The following RIMS1 variants were observed in gnomAD, a reference collection of about 807,000 sequenced individuals.
RIMS1 encodes the protein regulating synaptic membrane exocytosis protein 1.
A neutral mutation model predicts 214.1 loss-of-function variants in RIMS1; 83 were observed. The ratio of observed to expected loss-of-function variants is 0.39; its 90% CI spans 0.32 to 0.47. RIMS1 has a LOEUF of 0.47. Among genes scored for constraint, RIMS1 ranks in the 20% least tolerant of loss-of-function variants. The probability of loss-of-function intolerance (pLI) is 0.99; values close to 1 mark genes in which losing one functional copy is unlikely to be tolerated. For missense variants in RIMS1, 2,050 were observed against 2,161.8 expected (o/e 0.95, Z 1.03); for synonymous variants, 793 against 786.8 (o/e 1.01, Z -0.13).
rs2045844805 is a variant in RIMS1 at position 72,163,817 on chromosome 6, C to T, written c.472-15758C>T. Among the ~76,000 whole-genome samples, 2 of 95,614 alleles carry T rather than the reference C, an allele frequency of 2.1e-5. 1 individual carries two copies. Among genetic ancestry groups the T allele is most frequent in the African/African-American group, 5.6e-5 (2 of 35,576 alleles). 62.7% of individuals were successfully genotyped at this position (95,614 alleles called of 152,430 possible). A position where few individuals can be genotyped will look rare whatever the true frequency, so the allele number is the denominator to read the frequency against. On this transcript the variant is annotated intron_variant, in intron 4 of 33. Coordinates refer to ENST00000521978, the MANE Select transcript of RIMS1 (RefSeq NM_014989.7). ...TACTGGCTGGGGGGGGGGGGCCTCC[C>T]AGTTAGGCTACTCGGTGGTCAGGGA...
chr6:71,986,191 T>C (rs76540306), intron 2 of RIMS1, among the ~76,000 whole-genome samples: 39 of 11,108 alleles, frequency 3.5e-3, no homozygotes, highest in Admixed American at 0.025. Context: ...TTGGGTTTTG[T>C]TTTTTTTTTT....
chr6:72,036,518 A>C (rs2152049906), intron 2 of RIMS1, among the ~76,000 whole-genome samples: 1 of 152,242 alleles, frequency 6.6e-6, no homozygotes, highest in East Asian at 1.9e-4. Flanking sequence ...ACTTATACCA[A>C]AGCCTACAAA....
At chr6:72,064,615 A>G (rs1828815230) in intron 2 of RIMS1, among the ~76,000 whole-genome samples, 1 of 152,242 alleles carries the variant, frequency 6.6e-6, no homozygotes, top group Non-Finnish European at 1.5e-5. Flanking sequence ...CGTCATCTCG[A>G]TCAAGCGATT....
At chr6:72,149,892 A>C (rs1040114436) in intron 4 of RIMS1, among the ~76,000 whole-genome samples, 4 of 152,160 alleles carry the variant, frequency 2.6e-5, no homozygotes, top group African/African-American at 9.6e-5. Context: ...TTCTGTGCTC[A>C]CCAGGGGATC....
At chr6:72,113,001 G>A (rs189629445) in intron 4 of RIMS1, among the ~76,000 whole-genome samples, 1 of 152,182 alleles carries the variant, frequency 6.6e-6, no homozygotes, top group Admixed American at 6.5e-5. Flanking sequence ...TTCTAAATTG[G>A]CACAATCCCT....
At chr6:72,247,458 C>G (rs9446608) in intron 11 of RIMS1, among the ~76,000 whole-genome samples, 2,850 of 150,412 alleles carry the variant, frequency 0.019, 117 homozygotes, top group African/African-American at 0.067. Flanking sequence ...TTGCTTGAAC[C>G]TGCGAGGTGG....
At chr6:71,936,117 G>A (rs1310669666) in intron 1 of RIMS1, among the ~76,000 whole-genome samples, 1 of 151,840 alleles carries the variant, frequency 6.6e-6, no homozygotes. Flanking sequence ...TTGGGAAGCC[G>A]AGGCGGGCGG....
At chr6:71,971,309 T>C (rs1361408533) in intron 2 of RIMS1, among the ~76,000 whole-genome samples, 1 of 152,092 alleles carries the variant, frequency 6.6e-6, no homozygotes, top group Non-Finnish European at 1.5e-5. Context: ...AGTAAATCAA[T>C]TAACAAACTA....
Position 72,260,756 on chromosome 6 carries a change from A to T in RIMS1, c.3105A>T (p.Leu1035=). The T allele has an allele frequency of 6.2e-7, 1 of 1,612,190 alleles. No homozygotes were observed. The highest frequency in any genetic ancestry group is 8.5e-7 in the Non-Finnish European group (1 of 1,178,790). ...RAKRGRSAEC[L]HTTRHLVRHY... ...AACGAGGACGAAGTGCAGAATGCCTACATACTACCAGGTAAATACAGGGAT... is the reference window on the plus strand; with the variant it reads ...AACGAGGACGAAGTGCAGAATGCCTTCATACTACCAGGTAAATACAGGGAT... Residue 1035 remains leucine, a synonymous_variant, in exon 19 of 34, where the codon CTA becomes CTT. Coordinates refer to ENST00000521978, the MANE Select transcript of RIMS1 (RefSeq NM_014989.7).
chr6:72,313,531 G>T lies in RIMS1; in HGVS notation c.3989G>T (p.Arg1330Ile). 2 of 1,613,622 alleles carry T rather than the reference G, an allele frequency of 1.2e-6. No individual in the cohort carries two copies. The highest frequency in any genetic ancestry group is 8.5e-7 in the Non-Finnish European group (1 of 1,179,732). Residue 1330 changes from arginine (R) to isoleucine (I), a missense_variant, in exon 28 of 34, where the codon AGA (arginine) becomes ATA (isoleucine). Arg to Ile is a moderately conservative substitution (Grantham distance 97). Around this residue, in one of 6 missense-constraint regions of RIMS1, gnomAD observed 889 missense variants for 885.5 expected, o/e 1.00. Transcript: ENST00000521978. ...SKYNIHKDQY[R>I]SCDNVSAKSS... ...TATAACATACATAAAGATCAGTACA[G>T]AAGCTGTGATAACGTCTCTGCCAAA...
At chr6:71,941,930 CA>C (rs1786276447) in intron 1 of RIMS1, among the ~76,000 whole-genome samples, 2 of 152,310 alleles carry the variant, frequency 1.3e-5, no homozygotes, top group South Asian at 4.1e-4. Flanking sequence ...GCCAGTTTTA[CA>C]AGACTGTCTT....
chr6:72,306,384 G>T (rs2095169345), intron 26 of RIMS1, among the ~76,000 whole-genome samples: 1 of 152,056 alleles, frequency 6.6e-6, no homozygotes, highest in Non-Finnish European at 1.5e-5. Context: ...ATAAGCTTTT[G>T]AGTCGTTTAC....
At chr6:72,354,999 G>A (rs1274427701) in intron 29 of RIMS1, among the ~76,000 whole-genome samples, 1 of 152,102 alleles carries the variant, frequency 6.6e-6, no homozygotes, top group Non-Finnish European at 1.5e-5. Context: ...ATTGGTGTGG[G>A]GAGAACTGTT....
chr6:72,191,947 A>G (rs901479929), intron 6 of RIMS1, among the ~76,000 whole-genome samples: 16 of 152,112 alleles, frequency 1.1e-4, no homozygotes, highest in Non-Finnish European at 1.9e-4. Flanking sequence ...CAGGGATGTG[A>G]TATTGTTTTT....
In RIMS1 at chr6:72,227,138, T is replaced by A. The variant is rs180688687; in HGVS notation, c.1679-6635T>A. 3.9e-4 allele frequency among the ~76,000 whole-genome samples: 59 copies of A among 152,148 alleles called. No homozygotes were observed. In the East Asian group the frequency reaches 5.8e-3, roughly 15 times the overall value. ...TTTTATAAGTGTTATATGAATATGA[T>A]TATAAATATTAGCATATAATGTTGA... is the stretch of plus-strand genomic sequence containing the variant. On this transcript the variant is annotated intron_variant, in intron 6 of 33. Transcript: ENST00000521978.
intron 8 of RIMS1, among the ~76,000 whole-genome samples, chr6:72,237,083 G>A (rs181477408): frequency 5.9e-4 from 90 of 152,216 alleles, no homozygotes; most frequent in African/African-American, 2.0e-3. Context: ...GCACATGCCT[G>A]TAGTCCCAGC....
At chr6:72,041,450 G>T (rs752948550) in intron 2 of RIMS1, among the ~76,000 whole-genome samples, 1 of 151,882 alleles carries the variant, frequency 6.6e-6, no homozygotes, top group Non-Finnish European at 1.5e-5. Context: ...AAGATGAAGG[G>T]AGGATGCTTA....
At chr6:72,225,035 A>T (rs1369694415) in intron 6 of RIMS1, among the ~76,000 whole-genome samples, 4 of 152,214 alleles carry the variant, frequency 2.6e-5, no homozygotes, top group Non-Finnish European at 5.9e-5. Context: ...TTCCAACTTA[A>T]AAATAAAGTC....
At chr6:72,233,505 GTT>G (rs75424973) in intron 6 of RIMS1, among the ~76,000 whole-genome samples, 3 of 141,970 alleles carry the variant, frequency 2.1e-5, no homozygotes, top group South Asian at 2.2e-4. Context: ...GATTAACCCT[GTT>G]TTTTTTTTTT....
Sources: gnomAD v4.1 joint callset for allele counts (sites outside exome capture counted in the v4.1 genomes callset) on GRCh38, gnomAD v4.1.1 for gene constraint, gnomAD v4.1.1 regional missense constraint, MANE v1.5 for transcripts, NCBI Gene and HGNC (gene_info 2026-07-23, HGNC 2026-07-21) for gene names.